Variants in TRIM55 observed in about 807,000 individuals in gnomAD.
TRIM55 encodes tripartite motif containing 55, also known as tripartite motif-containing protein 55.
A neutral mutation model predicts 60.9 loss-of-function variants in TRIM55; 50 were observed. That is an observed-to-expected ratio of 0.82 (90% CI 0.65 to 1.04). The LOEUF is 1.04. Ranked by LOEUF, TRIM55 falls within the 50% of genes least tolerant of loss-of-function variation. The pLI is 0.00. For synonymous variants in TRIM55, 237 were observed against 238.1 expected, an observed-to-expected ratio of 1.00 and a Z score of 0.04; for missense variants, 681 against 666.9, an observed-to-expected ratio of 1.02 and a Z score of -0.23.
intron 9 of TRIM55, among the ~76,000 whole-genome samples, chr8:66,161,200 G>A (rs1811031710): frequency 6.6e-6 from 1 of 152,056 alleles, no homozygotes; most frequent in Non-Finnish European, 1.5e-5. Flanking sequence ...GTTGATTTTT[G>A]TATAAGGTGC....
At chr8:66,147,410 A>G (rs1007593083) in intron 4 of TRIM55, among the ~76,000 whole-genome samples, 3 of 152,220 alleles carry the variant, frequency 2.0e-5, no homozygotes, top group Non-Finnish European at 2.9e-5. Flanking sequence ...TTTGCAGAGT[A>G]TCTTCATAAT....
At chr8:66,160,121 G>T (rs183364862) in intron 9 of TRIM55, among the ~76,000 whole-genome samples, 1 of 152,060 alleles carries the variant, frequency 6.6e-6, no homozygotes, top group Non-Finnish European at 1.5e-5. Flanking sequence ...TGTACCCAAT[G>T]TGTAGTCTTC....
At chr8:66,147,592 T>A (rs1396986535) in intron 4 of TRIM55, among the ~76,000 whole-genome samples, 1 of 151,928 alleles carries the variant, frequency 6.6e-6, no homozygotes, top group Non-Finnish European at 1.5e-5. Context: ...GTCAGGAGTT[T>A]GAGATCAGCC....
chr8:66,140,029 C>T (rs1240356057), intron 4 of TRIM55, among the ~76,000 whole-genome samples: 1 of 152,100 alleles, frequency 6.6e-6, no homozygotes, highest in African/African-American at 2.4e-5. Context: ...TACATTTTCC[C>T]ATAGTATTCA....
intron 9 of TRIM55, among the ~76,000 whole-genome samples, chr8:66,157,081 G>A (rs1264338453): frequency 6.6e-6 from 1 of 152,120 alleles, no homozygotes; most frequent in Admixed American, 6.5e-5. Context: ...TCGGGTTTAG[G>A]GCTTTGTCAC....
intron 4 of TRIM55, among the ~76,000 whole-genome samples, chr8:66,148,899 A>C (rs1459113762): frequency 6.6e-6 from 1 of 152,134 alleles, no homozygotes; most frequent in Non-Finnish European, 1.5e-5. Context: ...AAATTCAAAA[A>C]TTAGCTGGGT....
chr8:66,127,848 C>A (rs780257755), intron 1 of TRIM55, among the ~76,000 whole-genome samples: 3 of 152,070 alleles, frequency 2.0e-5, no homozygotes, highest in Non-Finnish European at 4.4e-5. Context: ...AAAAGAAAAA[C>A]AAACAAACAA....
intron 4 of TRIM55, among the ~76,000 whole-genome samples, chr8:66,143,878 C>A (rs796787604): frequency 1.4e-4 from 22 of 152,160 alleles, no homozygotes; most frequent in African/African-American, 4.3e-4. Context: ...AAATGAACAA[C>A]AAGATCATTT....
Position 66,130,912 on chromosome 8 carries a change from C to T in TRIM55, c.341+2436C>T, listed in dbSNP as rs572184861. Among the ~76,000 whole-genome samples the T allele has an allele frequency of 8.5e-5, 13 of 152,088 alleles. No individual in the cohort carries two copies. The East Asian group carries it at 1.9e-3, about 23-fold the overall frequency. On this transcript the variant is annotated intron_variant, in intron 2 of 9. Coordinates refer to ENST00000315962, the MANE Select transcript of TRIM55 (RefSeq NM_184085.2). ...TCCTGACCTCTTGATCCACCCGCCT[C>T]GGCTTCCCAAAGTGCTAGGATTACA... is the stretch of plus-strand genomic sequence containing the variant.
At chr8:66,133,754 C>T (rs1809308963) in intron 2 of TRIM55, among the ~76,000 whole-genome samples, 1 of 152,196 alleles carries the variant, frequency 6.6e-6, no homozygotes. Flanking sequence ...GGCACATCAG[C>T]ACGTTCTCTG....
intron 7 of TRIM55, among the ~76,000 whole-genome samples, chr8:66,151,994 G>C (rs1008781654): frequency 6.6e-6 from 1 of 152,180 alleles, no homozygotes; most frequent in African/African-American, 2.4e-5. Flanking sequence ...TTCTGAGACA[G>C]GGAAGACAGT....
the TRIM55 span, chr8:66,113,421 G>C: frequency 2.3e-6 from 1 of 438,436 alleles, no homozygotes; most frequent in Non-Finnish European, 4.6e-6. Context: ...CTCAGCAGGA[G>C]ACATCCTTAG....
intron 7 of TRIM55, among the ~76,000 whole-genome samples, chr8:66,151,321 T>C (rs1048685206): frequency 2.0e-5 from 3 of 152,146 alleles, no homozygotes; most frequent in Non-Finnish European, 1.5e-5. Flanking sequence ...TTTATCCTGA[T>C]TAAATAATTG....
chr8:66,124,397 G>T (rs866516869), upstream of TRIM55, among the ~76,000 whole-genome samples: 5 of 152,166 alleles, frequency 3.3e-5, no homozygotes, highest in African/African-American at 4.8e-5. Context: ...GCTTGAGCGC[G>T]TGCCTGCACT....
At chr8:66,171,349 G>C (rs1054373626) in intron 9 of TRIM55, among the ~76,000 whole-genome samples, 1 of 151,690 alleles carries the variant, frequency 6.6e-6, no homozygotes, top group Non-Finnish European at 1.5e-5. Context: ...GTGGTATTTG[G>C]TTTTCCGTTT....
intron 4 of TRIM55, among the ~76,000 whole-genome samples, chr8:66,144,205 T>G (rs931443040): frequency 2.6e-5 from 4 of 152,182 alleles, no homozygotes; most frequent in African/African-American, 9.7e-5. Context: ...AAATGACCAT[T>G]TGATTTTTTT....
the TRIM55 span, among the ~76,000 whole-genome samples, chr8:66,114,114 CAA>C: frequency 1.5e-5 from 2 of 129,418 alleles, no homozygotes; most frequent in Non-Finnish European, 3.2e-5. Flanking sequence ...TGCTTTGAAC[CAA>C]AAAAGTCTGT....
chr8:66,158,664 G>A (rs1277766084), intron 9 of TRIM55, among the ~76,000 whole-genome samples: 2 of 152,130 alleles, frequency 1.3e-5, no homozygotes, highest in African/African-American at 4.8e-5. Flanking sequence ...TCATTGGGAG[G>A]GTTATGGACT....
At chr8:66,151,913 T>C (rs1369451079) in intron 7 of TRIM55, among the ~76,000 whole-genome samples, 1 of 151,786 alleles carries the variant, frequency 6.6e-6, no homozygotes, top group African/African-American at 2.4e-5. Flanking sequence ...GTGACATTAA[T>C]TATGGCAAAA....
Sources: allele counts gnomAD v4.1 joint callset (sites outside exome capture counted in the v4.1 genomes callset), GRCh38; gene constraint gnomAD v4.1.1; transcripts MANE v1.5; gene names NCBI Gene and HGNC (gene_info 2026-07-23, HGNC 2026-07-21).